Variants in COLEC12 observed in about 807,000 individuals in gnomAD.
COLEC12 encodes collectin-12.
Under a neutral mutation model 71.1 loss-of-function variants are expected in COLEC12, and 33 were observed. That is an observed-to-expected ratio of 0.46 (90% CI 0.35 to 0.62). The LOEUF is 0.62. Ranked by LOEUF, COLEC12 falls within the 20% of genes least tolerant of loss-of-function variation. The pLI is 0.00. For synonymous variants in COLEC12, 350 were observed against 353.0 expected (o/e 0.99, Z 0.10); for missense variants, 765 against 916.1 (o/e 0.84, Z 2.13).
chr18:455,388 C>T (rs1306773072), intron 2 of COLEC12, among the ~76,000 whole-genome samples: 1 of 151,564 alleles, frequency 6.6e-6, no homozygotes, highest in Non-Finnish European at 1.5e-5. Flanking sequence ...TGCCATTCTC[C>T]TGCCTCAACC....
intron 2 of COLEC12, among the ~76,000 whole-genome samples, chr18:478,892 G>A (rs1232369127): frequency 1.6e-5 from 2 of 125,948 alleles, no homozygotes; most frequent in Non-Finnish European, 3.2e-5. Context: ...TGAGTCATCC[G>A]TTGCAACTCC....
chr18:336,321 A>C (rs1168726906), intron 5 of COLEC12, among the ~76,000 whole-genome samples: 1 of 152,104 alleles, frequency 6.6e-6, no homozygotes, highest in Non-Finnish European at 1.5e-5. Flanking sequence ...CAGGTGTCCA[A>C]ACTCTCTGGG....
At chr18:417,178 T>C (rs4477800) in intron 2 of COLEC12, among the ~76,000 whole-genome samples, 34,946 of 152,060 alleles carry the variant, frequency 0.23, 4,763 homozygotes, top group East Asian at 0.41. Flanking sequence ...TATAGCCTAC[T>C]ACACAGCTAG....
rs868712658 is a variant in COLEC12, at chr18:329,985, G to A, written c.2063+1683C>T. 7.2e-5 allele frequency among the ~76,000 whole-genome samples: 11 copies of A among 152,254 alleles called. 2 individuals carry two copies. In the South Asian group the frequency reaches 2.3e-3, roughly 32 times the overall value. ...CCAGGGACTTGGGAGTCTGAGGTGGGAGGATCGCTTGAGCTGGGGAGATAA... is the reference window on the plus strand; with the variant it reads ...CCAGGGACTTGGGAGTCTGAGGTGGAAGGATCGCTTGAGCTGGGGAGATAA... On this transcript the variant is annotated intron_variant, in intron 8 of 9. Transcript: ENST00000400256.
At chr18:454,290 C>T (rs539648979) in intron 2 of COLEC12, among the ~76,000 whole-genome samples, 20 of 152,346 alleles carry the variant, frequency 1.3e-4, no homozygotes, top group South Asian at 2.1e-4. Context: ...CATGAGGCTA[C>T]GATGCGCTTC....
At chr18:467,882 A>G (rs567190250) in intron 2 of COLEC12, among the ~76,000 whole-genome samples, 4 of 147,192 alleles carry the variant, frequency 2.7e-5, no homozygotes, top group African/African-American at 1.1e-4. Flanking sequence ...TAAATTTTAC[A>G]TCAGATACCT....
chr18:361,841 G>A (rs1914751135), intron 2 of COLEC12, among the ~76,000 whole-genome samples: 4 of 152,130 alleles, frequency 2.6e-5, no homozygotes, highest in South Asian at 4.1e-4. Context: ...GCTGATGGGC[G>A]GGTTTATTCC....
intron 2 of COLEC12, among the ~76,000 whole-genome samples, chr18:369,205 C>G (rs1457163037): frequency 6.6e-6 from 1 of 152,068 alleles, no homozygotes; most frequent in African/African-American, 2.4e-5. Flanking sequence ...TGCAACTGAT[C>G]CATTGCATTT....
intron 2 of COLEC12, among the ~76,000 whole-genome samples, chr18:358,944 A>G (rs1045935233): frequency 6.6e-6 from 1 of 152,230 alleles, no homozygotes; most frequent in African/African-American, 2.4e-5. Flanking sequence ...GTTGACTGAA[A>G]CGTTACGTGG....
chr18:335,318 T>A, intron 5 of COLEC12, 88 bp from the exon 6 acceptor site: 1 of 1,376,318 alleles, frequency 7.3e-7, no homozygotes, highest in East Asian at 2.4e-5. Context: ...ATCTCCAAAT[T>A]AAAAAAACCT....
intron 2 of COLEC12, among the ~76,000 whole-genome samples, chr18:401,970 G>A (rs1450868890): frequency 1.3e-5 from 2 of 152,116 alleles, no homozygotes; most frequent in African/African-American, 2.4e-5. Flanking sequence ...AGCAGAAAAC[G>A]TGATATACTT....
At position 335,227 on chromosome 18, in the gene COLEC12, G is replaced by A; in HGVS notation, c.1331C>T (p.Pro444Leu). ...ACCTCTTGGACCCCTGGGGCCCGGT[G>A]GACCTAAAGCATAAAAGAAAAAGGT... ...LIKNFTILQGPPGPRGPRGDR... is the reference protein window; with the variant it reads ...LIKNFTILQGLPGPRGPRGDR... Residue 444 changes from proline (P) to leucine (L), a missense_variant, in exon 6 of 10, where the codon CCA (proline) becomes CTA (leucine). By Grantham distance (98) the Pro-to-Leu change is moderately conservative (BLOSUM62 -3). Transcript: ENST00000400256. 6.3e-7 allele frequency: 1 copy of A among 1,584,752 alleles called. No individual in the cohort carries two copies. The highest frequency in any genetic ancestry group is 2.3e-5 in the East Asian group (1 of 43,402).
At chr18:470,637 C>T (rs1917178128) in intron 2 of COLEC12, among the ~76,000 whole-genome samples, 1 of 151,952 alleles carries the variant, frequency 6.6e-6, no homozygotes, top group Non-Finnish European at 1.5e-5. Context: ...CGCCTGTATT[C>T]CTAGCTACTC....
intron 2 of COLEC12, among the ~76,000 whole-genome samples, chr18:361,463 T>A (rs1049368958): frequency 6.6e-6 from 1 of 152,138 alleles, no homozygotes; most frequent in African/African-American, 2.4e-5. Context: ...AAAATACCAC[T>A]GTCCTCATGA....
chr18:422,658 AGATT>A (rs1304192209), intron 2 of COLEC12, among the ~76,000 whole-genome samples: 2 of 151,738 alleles, frequency 1.3e-5, no homozygotes, highest in African/African-American at 4.8e-5. Flanking sequence ...TATATTTTAT[AGATT>A]ATTATAGATT....
chr18:339,049 C>T (rs1202506721), intron 5 of COLEC12, among the ~76,000 whole-genome samples: 1 of 146,002 alleles, frequency 6.8e-6, no homozygotes, highest in South Asian at 2.2e-4. Flanking sequence ...GGGGTTGGTG[C>T]TATCCTTGCA....
intron 2 of COLEC12, among the ~76,000 whole-genome samples, chr18:426,050 G>A (rs72863552): frequency 0.052 from 7,912 of 152,282 alleles, 385 homozygotes; most frequent in African/African-American, 0.13. Flanking sequence ...GGCACAGGAT[G>A]TTAAGTGACT....
At chr18:320,469 C>T (rs1404813473) in intron 9 of COLEC12, among the ~76,000 whole-genome samples, 1 of 152,206 alleles carries the variant, frequency 6.6e-6, no homozygotes, top group African/African-American at 2.4e-5. Context: ...CCTGACACAT[C>T]AAAGGTGCTC....
Position 348,089 on chromosome 18 carries a change from C to T in COLEC12, c.256G>A (p.Val86Met). ...RQTYDDKLTA[V>M]ESDLKKLGDQ... ...CCTAATTTTTTCAGGTCACTTTCCA[C>T]TGCTGTGAGCTTGTCATCATAGGTT... Residue 86 changes from valine to methionine, a missense_variant, in exon 4 of 10, where the codon GTG (valine) becomes ATG (methionine). Transcript: ENST00000400256. 6.2e-7 allele frequency: 1 copy of T among 1,613,482 alleles called. No individual in the cohort carries two copies. The highest frequency in any genetic ancestry group is 8.5e-7 in the Non-Finnish European group (1 of 1,179,584).
Sources: gnomAD v4.1 joint callset for allele counts (sites outside exome capture counted in the v4.1 genomes callset) on GRCh38, gnomAD v4.1.1 for gene constraint, MANE v1.5 for transcripts, NCBI Gene and HGNC (gene_info 2026-07-23, HGNC 2026-07-21) for gene names.